The following SCOC variants were observed in gnomAD, a reference collection of about 807,000 sequenced individuals.
The protein encoded by SCOC is short coiled coil protein.
SCOC carries 7 observed loss-of-function variants against 9.9 expected under a neutral mutation model. The observed-to-expected ratio is 0.71, with a 90% confidence interval of 0.40 to 1.33. The LOEUF (loss-of-function observed/expected upper bound fraction) is 1.33. SCOC is among the 40% of genes most tolerant of loss of function. The probability of loss-of-function intolerance (pLI) is 0.01; values close to 1 mark genes in which losing one functional copy is unlikely to be tolerated. For synonymous variants in SCOC, 19 were observed against 28.2 expected, an observed-to-expected ratio of 0.67 and a Z score of 1.03; for missense variants, 66 against 89.7, an observed-to-expected ratio of 0.74 and a Z score of 1.07.
chr4:140,258,376 C>T (rs1220012504), intron 1 of SCOC, among the ~76,000 whole-genome samples: 1 of 152,238 alleles, frequency 6.6e-6, no homozygotes, highest in African/African-American at 2.4e-5. Flanking sequence ...AGGCCAGCTT[C>T]TGTTTCCAAA....
At chr4:140,362,277 A>ACTTCTTCCTCTTCTTCTT (rs1727551802) in intron 2 of SCOC, among the ~76,000 whole-genome samples, 1 of 11,664 alleles carries the variant, frequency 8.6e-5, no homozygotes, top group Admixed American at 9.3e-4. Context: ...GTGTGTCCTT[A>ACTTCTTCCTCTTCTTCTT]CTTCTTCTTC....
At chr4:140,338,631 C>T (rs1217330586), upstream of SCOC, among the ~76,000 whole-genome samples, 1 of 152,168 alleles carries the variant, frequency 6.6e-6, no homozygotes, top group Non-Finnish European at 1.5e-5. Context: ...GTGAAAAAAT[C>T]ACAAGCATTC....
chr4:140,280,898 C>T (rs1042936981), intron 1 of SCOC, among the ~76,000 whole-genome samples: 55 of 152,078 alleles, frequency 3.6e-4, no homozygotes, highest in African/African-American at 1.0e-3. Context: ...AATACATTTG[C>T]GGAAATTCAG....
intron 2 of SCOC, among the ~76,000 whole-genome samples, chr4:140,351,082 C>T (rs754695090): frequency 2.0e-5 from 3 of 151,428 alleles, no homozygotes; most frequent in Non-Finnish European, 4.4e-5. Context: ...CCCAGCTACT[C>T]GGGAGGCTGA....
intron 1 of SCOC, among the ~76,000 whole-genome samples, chr4:140,271,062 C>T (rs1013150583): frequency 6.6e-6 from 1 of 152,114 alleles, no homozygotes; most frequent in African/African-American, 2.4e-5. Flanking sequence ...AGATAATTTA[C>T]AGAGCAAATG....
At chr4:140,261,298 A>C (rs1233295736) in intron 1 of SCOC, among the ~76,000 whole-genome samples, 1 of 152,184 alleles carries the variant, frequency 6.6e-6, no homozygotes, top group Non-Finnish European at 1.5e-5. Flanking sequence ...CTGTGCCTTT[A>C]GGGCTAATGA....
chr4:140,374,885 T>C (rs1728268096), intron 1 of SCOC, among the ~76,000 whole-genome samples: 1 of 152,228 alleles, frequency 6.6e-6, no homozygotes, highest in Non-Finnish European at 1.5e-5. Flanking sequence ...ATCTGTAAAT[T>C]GCAGTTTCCT....
At chr4:140,292,756 C>T (rs1331404525) in intron 1 of SCOC, among the ~76,000 whole-genome samples, 1 of 152,158 alleles carries the variant, frequency 6.6e-6, no homozygotes, top group African/African-American at 2.4e-5. Flanking sequence ...TCTGAAAGCT[C>T]TGAGGCTTCA....
At chr4:140,374,622 C>G (rs115925886) in intron 1 of SCOC, among the ~76,000 whole-genome samples, 1 of 152,118 alleles carries the variant, frequency 6.6e-6, no homozygotes, top group Non-Finnish European at 1.5e-5. Context: ...ATTGAAGTTC[C>G]GTAGCTTGAA....
intron 2 of SCOC, chr4:140,366,698 T>C: frequency 1.3e-6 from 2 of 1,592,364 alleles, no homozygotes; most frequent in Admixed American, 1.7e-5. Flanking sequence ...GTGAGCTGCA[T>C]GCACTTGAAA....
intron 2 of SCOC, among the ~76,000 whole-genome samples, chr4:140,352,119 A>C (rs1727006092): frequency 6.6e-6 from 1 of 152,224 alleles, no homozygotes; most frequent in African/African-American, 2.4e-5. Flanking sequence ...TCAGGACTAG[A>C]GAACCCCCTG....
intron 1 of SCOC, among the ~76,000 whole-genome samples, chr4:140,309,084 A>G (rs1022291461): frequency 1.3e-5 from 2 of 152,216 alleles, no homozygotes; most frequent in African/African-American, 2.4e-5. Context: ...ACAGTAAGGA[A>G]TGAGTATCTG....
At chr4:140,274,049 A>G (rs1457301979) in intron 1 of SCOC, among the ~76,000 whole-genome samples, 1 of 152,244 alleles carries the variant, frequency 6.6e-6, no homozygotes, top group Non-Finnish European at 1.5e-5. Flanking sequence ...GTTTAAAGTG[A>G]CATCTGCAAA....
At chr4:140,350,193 G>C (rs1280201355) in intron 2 of SCOC, among the ~76,000 whole-genome samples, 1 of 152,056 alleles carries the variant, frequency 6.6e-6, no homozygotes, top group Admixed American at 6.5e-5. Context: ...ATCTTCCCAG[G>C]CTGTGTTAGA....
intron 2 of SCOC, chr4:140,366,305 A>G: frequency 7.0e-7 from 1 of 1,437,876 alleles, no homozygotes; most frequent in Non-Finnish European, 9.3e-7. Flanking sequence ...GAGCTTTTGG[A>G]GGAGGCGCTG....
intron 1 of SCOC, among the ~76,000 whole-genome samples, chr4:140,265,536 A>G (rs1730714796): frequency 6.6e-6 from 1 of 152,230 alleles, no homozygotes; most frequent in African/African-American, 2.4e-5. Context: ...TGGACAGAAA[A>G]GGGAAACTGA....
chr4:140,272,036 G>A (rs1322924449), intron 1 of SCOC, among the ~76,000 whole-genome samples: 3 of 151,102 alleles, frequency 2.0e-5, no homozygotes, highest in African/African-American at 4.9e-5. Flanking sequence ...TCTGTGGCGG[G>A]AGTCACACTC....
intron 2 of SCOC, chr4:140,366,480 C>T: frequency 6.4e-7 from 1 of 1,559,310 alleles, no homozygotes. Flanking sequence ...CCTTTTGAAG[C>T]TTCTTAACTT....
At chr4:140,361,926 A>C (rs1462563003) in intron 2 of SCOC, among the ~76,000 whole-genome samples, 1 of 152,126 alleles carries the variant, frequency 6.6e-6, no homozygotes, top group Non-Finnish European at 1.5e-5. Context: ...TCTATAATAA[A>C]GAATGAGTTG....
Sources: allele counts gnomAD v4.1 joint callset (sites outside exome capture counted in the v4.1 genomes callset), GRCh38; gene constraint gnomAD v4.1.1; transcripts MANE v1.5; gene names NCBI Gene and HGNC (gene_info 2026-07-23, HGNC 2026-07-21).